The following TRAFD1 variants were observed in gnomAD, a reference collection of about 807,000 sequenced individuals.
The protein encoded by TRAFD1 is TRAF-type zinc finger domain-containing protein 1.
In TRAFD1, 38 loss-of-function variants were observed where a neutral mutation model predicts 65.3. The ratio of observed to expected loss-of-function variants is 0.58; its 90% CI spans 0.45 to 0.76. The LOEUF is 0.76. Among genes scored for constraint, TRAFD1 ranks in the 30% least tolerant of loss-of-function variants. The pLI, the probability that TRAFD1 is intolerant of heterozygous loss-of-function variation, is 0.00. For synonymous variants in TRAFD1, 223 were observed against 257.2 expected (o/e 0.87, Z 1.27); for missense variants, 631 against 712.6 (o/e 0.89, Z 1.30).
Position 112,142,200 on chromosome 12 carries a change from G to A in TRAFD1, c.755G>A (p.Gly252Asp). ...TTGGCCCTAAGTCTGCAAAATGAAG[G>A]CCAAGCCTCCAGTGTGGCAGAGCAG... Reference protein sequence around the residue: ...FMLALSLQNEGQASSVAEQDF... With the variant: ...FMLALSLQNEDQASSVAEQDF... Residue 252 changes from glycine (G) to aspartate (D), a missense_variant, in exon 6 of 12, where the codon GGC (glycine) becomes GAC (aspartate). Physicochemically the swap from Gly to Asp is moderately conservative, Grantham distance 94 (BLOSUM62 -1). Coordinates refer to ENST00000412615, the MANE Select transcript of TRAFD1 (RefSeq NM_006700.3). 6.2e-7 allele frequency: 1 copy of A among 1,614,002 alleles called. No homozygotes were observed. Among genetic ancestry groups the A allele is most frequent in the Non-Finnish European group, 8.5e-7 (1 of 1,179,994 alleles).
At chr12:112,147,360 A>G (rs909875619) in intron 7 of TRAFD1, among the ~76,000 whole-genome samples, 5 of 152,124 alleles carry the variant, frequency 3.3e-5, no homozygotes, top group Non-Finnish European at 7.4e-5. Context: ...CATTTCCACA[A>G]CTACCAAATA....
intron 1 of TRAFD1, among the ~76,000 whole-genome samples, chr12:112,129,933 C>T (rs149636823): frequency 1.9e-3 from 276 of 142,560 alleles, no homozygotes; most frequent in Non-Finnish European, 3.2e-3. Context: ...TGAGCCACTG[C>T]GCCTGGCCAG....
At position 112,148,107 on chromosome 12, in the gene TRAFD1, C is replaced by G. The variant is rs775188338; in HGVS notation, c.961C>G (p.Leu321Val). The G allele has an allele frequency of 6.2e-7, 1 of 1,614,198 alleles. No homozygotes were observed. ...SCNPSRALPSLNTGSSSPRGV... is the reference protein window; with the variant it reads ...SCNPSRALPSVNTGSSSPRGV... ...TAACCCTTCACGTGCCTTACCTTCACTCAATACTGGCAGCTCTTCCCCCAG... is the reference window on the plus strand; with the variant it reads ...TAACCCTTCACGTGCCTTACCTTCAGTCAATACTGGCAGCTCTTCCCCCAG... The change falls in exon 8 of 12, where the codon CTC (leucine) becomes GTC (valine). Residue 321 changes from leucine (L) to valine (V), a missense_variant. Transcript: ENST00000412615.
At chr12:112,144,215 G>T (rs896192050) in intron 6 of TRAFD1, among the ~76,000 whole-genome samples, 3 of 151,762 alleles carry the variant, frequency 2.0e-5, no homozygotes, top group African/African-American at 7.3e-5. Flanking sequence ...AATGCTTCTG[G>T]CAGGCACATA....
At chr12:112,129,048 A>G (rs1371088629) in intron 1 of TRAFD1, among the ~76,000 whole-genome samples, 1 of 151,568 alleles carries the variant, frequency 6.6e-6, no homozygotes, top group Non-Finnish European at 1.5e-5. Flanking sequence ...AAAAAAAAAA[A>G]AAGCCAGTAT....
At position 112,137,578 on chromosome 12, in the gene TRAFD1, C is replaced by T. The variant is rs1277471789; in HGVS notation, c.237+2512C>T. 1.3e-5 allele frequency among the ~76,000 whole-genome samples: 2 copies of T among 151,536 alleles called. 1 individual carries two copies. The highest frequency in any genetic ancestry group is 1.3e-4 in the Admixed American group (2 of 15,212). The stretch of plus-strand genomic sequence containing the variant: ...AAGATTGAGACCATCCTGGCTAATA[C>T]GGTGAAACCCCGTCTCTACTAAAAA... On this transcript the variant is annotated intron_variant, in intron 4 of 11. Coordinates refer to ENST00000412615, the MANE Select transcript of TRAFD1 (RefSeq NM_006700.3). The surrounding 1 kb of genome is among the most constrained non-coding windows in gnomAD (Gnocchi z 4.2).
At chr12:112,133,499 G>A (rs562649699) in intron 2 of TRAFD1, among the ~76,000 whole-genome samples, 2 of 152,224 alleles carry the variant, frequency 1.3e-5, no homozygotes, top group African/African-American at 4.8e-5. Context: ...GTTTTGGTTT[G>A]TTTTCTGTTT....
chr12:112,152,149 C>T lies in TRAFD1; in HGVS notation c.1619+9C>T. 6.2e-7 allele frequency: 1 copy of T among 1,604,322 alleles called. No homozygotes were observed. Among genetic ancestry groups the T allele is most frequent in the Non-Finnish European group, 8.5e-7 (1 of 1,174,140 alleles). ...GGGAGATACGGAGCTAGGTAAGAAT[C>T]AGTAGCCCAGGAATGGGGCTTGGGA... On this transcript the variant is annotated intron_variant, in intron 10 of 11. Coordinates refer to ENST00000412615, the MANE Select transcript of TRAFD1 (RefSeq NM_006700.3). The surrounding 1 kb of genome is among the most constrained non-coding windows in gnomAD (Gnocchi z 5.0).
At chr12:112,139,851 A>G (rs2030033529) in intron 4 of TRAFD1, among the ~76,000 whole-genome samples, 1 of 150,928 alleles carries the variant, frequency 6.6e-6, no homozygotes, top group African/African-American at 2.4e-5. Context: ...ATACAAAAAA[A>G]TTAGCTGGGT....
rs141196653 is a variant in TRAFD1 at position 112,149,204 on chromosome 12, C to T, written c.1159-547C>T. Among the ~76,000 whole-genome samples the T allele has an allele frequency of 4.7e-3, 708 of 150,370 alleles. 7 individuals are homozygous for T. The highest frequency in any genetic ancestry group is 0.016 in the African/African-American group (646 of 40,834). ...CTGCACTCCAGCCTGGGTGACAGAGCGAGACTCTGTCTCAAAAAAAAAAGA... is the reference window on the plus strand; with the variant it reads ...CTGCACTCCAGCCTGGGTGACAGAGTGAGACTCTGTCTCAAAAAAAAAAGA... On this transcript the variant is annotated intron_variant, in intron 8 of 11. Transcript: ENST00000412615.
chr12:112,126,042 C>T (rs1171013094), intron 1 of TRAFD1: 1 of 152,322 alleles, frequency 6.6e-6, no homozygotes, highest in Non-Finnish European at 1.5e-5. Context: ...CACTCCGACC[C>T]GCTGGTGCTG....
Position 112,152,298 on chromosome 12 carries a change from AATT to A in TRAFD1, c.1620-125_1620-123del. The A allele has an allele frequency of 6.9e-7, 1 of 1,448,322 alleles. No individual in the cohort carries two copies. Among genetic ancestry groups the A allele is most frequent in the African/African-American group, 1.4e-5 (1 of 70,900 alleles). 89.7% of individuals were successfully genotyped at this position (1,448,322 alleles called of 1,614,324 possible). Reference sequence around the variant, plus strand: ...CTGTATTGTCACCTGACTCCAAAAAAATTATTTTGTGGCCTATGGGTTTTTTGG... The same window carrying A: ...CTGTATTGTCACCTGACTCCAAAAAAATTTTGTGGCCTATGGGTTTTTTGG... On this transcript the variant is annotated intron_variant, in intron 10 of 11. Transcript: ENST00000412615. This position sits in a 1 kb window ranked among gnomAD's most constrained non-coding sequence, Gnocchi z 5.0.
chr12:112,128,745 ATAAC>A (rs1483267910), intron 1 of TRAFD1, among the ~76,000 whole-genome samples: 1 of 152,168 alleles, frequency 6.6e-6, no homozygotes, highest in Non-Finnish European at 1.5e-5. Context: ...ATTATATAAA[ATAAC>A]TAGCTGGCTG....
At chr12:112,132,428 T>G (rs1352499496) in intron 2 of TRAFD1, among the ~76,000 whole-genome samples, 1 of 152,244 alleles carries the variant, frequency 6.6e-6, no homozygotes, top group Non-Finnish European at 1.5e-5. Flanking sequence ...AGTAATGTAT[T>G]AAAGTATTCA....
chr12:112,147,947 G>A (rs906977761), intron 7 of TRAFD1, 127 bp from the exon 8 acceptor site: 52 of 798,136 alleles, frequency 6.5e-5, no homozygotes, highest in Non-Finnish European at 1.0e-4. Flanking sequence ...GGGATTACAG[G>A]CGTGAGCCAC....
chr12:112,127,061 C>A (rs1463137112), intron 1 of TRAFD1, among the ~76,000 whole-genome samples: 2 of 152,190 alleles, frequency 1.3e-5, no homozygotes, highest in Non-Finnish European at 2.9e-5. Context: ...TATGACAAGA[C>A]CTTCTTGAGT....
intron 5 of TRAFD1, chr12:112,141,833 C>T (rs1164157882): frequency 6.8e-6 from 3 of 443,388 alleles, no homozygotes; most frequent in Non-Finnish European, 1.2e-5. Context: ...ATGTTTAGCA[C>T]AGTGCCTGTC....
intron 1 of TRAFD1, 114 bp downstream of exon 1, chr12:112,125,732 CG>C (rs1470219131): frequency 6.6e-6 from 1 of 152,310 alleles, no homozygotes; most frequent in African/African-American, 2.4e-5. Context: ...CCCGGGGTCG[CG>C]GCTGTGAGGA....
At chr12:112,151,643 G>A (rs1593874569) in intron 9 of TRAFD1, among the ~76,000 whole-genome samples, 158 bp from the exon 10 acceptor site, 1 of 151,728 alleles carries the variant, frequency 6.6e-6, no homozygotes, top group South Asian at 2.1e-4. Context: ...GGTGATCCCC[G>A]CACCTCGGCC....
Sources: gnomAD v4.1 joint callset for allele counts (sites outside exome capture counted in the v4.1 genomes callset) on GRCh38, gnomAD v4.1.1 for gene constraint, Gnocchi (gnomAD v3.1) non-coding constraint, MANE v1.5 for transcripts, NCBI Gene and HGNC (gene_info 2026-07-23, HGNC 2026-07-21) for gene names.